POLDIP3: variants seen among roughly 807,000 people sequenced by gnomAD.
POLDIP3 encodes the protein polymerase delta-interacting protein 3.
POLDIP3 carries 14 observed loss-of-function variants against 45.1 expected under a neutral mutation model. The observed-to-expected ratio is 0.31, with a 90% CI of 0.20 to 0.49. The LOEUF (loss-of-function observed/expected upper bound fraction) is 0.49. POLDIP3 is among the 20% of genes least tolerant of loss of function. POLDIP3 has a pLI of 0.99. For synonymous variants in POLDIP3, 223 were observed against 205.2 expected (o/e 1.09, Z -0.74); for missense variants, 511 against 538.8 (o/e 0.95, Z 0.51).
At chr22:42,614,595 G>C (rs6002815) in intron 1 of POLDIP3, among the ~76,000 whole-genome samples, 77,100 of 152,026 alleles carry the variant, frequency 0.51, 23,771 homozygotes, top group African/African-American at 0.86. Flanking sequence ...GCCTCCCAGG[G>C]CCGCCAGAGG....
chr22:42,587,805 G>C (rs1272851848), intron 7 of POLDIP3, among the ~76,000 whole-genome samples: 1 of 152,172 alleles, frequency 6.6e-6, no homozygotes, highest in Non-Finnish European at 1.5e-5. Context: ...CACAAACCTT[G>C]CTTCATACAG....
At chr22:42,606,288 A>G in intron 1 of POLDIP3, among the ~76,000 whole-genome samples, 1 of 152,072 alleles carries the variant, frequency 6.6e-6, no homozygotes, top group East Asian at 1.9e-4. Flanking sequence ...TTGGGAGGCC[A>G]AATGGCAGGA....
At chr22:42,614,684 T>C in intron 1 of POLDIP3, 115 bp downstream of exon 1, 1 of 1,173,834 alleles carries the variant, frequency 8.5e-7, no homozygotes. Flanking sequence ...AGCGCGGCTG[T>C]GGTCGGGGGC....
chr22:42,606,500 C>T (rs1316642903), intron 1 of POLDIP3, among the ~76,000 whole-genome samples: 1 of 152,120 alleles, frequency 6.6e-6, no homozygotes, highest in Non-Finnish European at 1.5e-5. Flanking sequence ...CTGGGCATGG[C>T]AGCATGAGTC....
rs1245715510 is a variant in POLDIP3 at position 42,613,887 on chromosome 22, T to C, written c.59+912A>G. On this transcript the variant is annotated intron_variant, in intron 1 of 8. Coordinates refer to ENST00000252115, the MANE Select transcript of POLDIP3 (RefSeq NM_032311.5). ...AAACTTAATGTGTGTTGGGAAACTA[T>C]TGGGCAAAGTTCTCACTTCTTCATA... Among the ~76,000 whole-genome samples, 3 of 152,250 alleles carry C rather than the reference T, an allele frequency of 2.0e-5. No individual in the cohort carries two copies. The East Asian group carries it at 5.8e-4, about 29-fold the overall frequency.
chr22:42,603,073 GGTGGCT>G lies in POLDIP3; in HGVS notation c.141_146del (p.Ala48_Thr49del). The G allele has an allele frequency of 6.2e-7, 1 of 1,614,204 alleles. No homozygotes were observed. The highest frequency in any genetic ancestry group is 1.7e-5 in the Admixed American group (1 of 60,018). ...GCCGGGCATCAAATCTCTGCTGGAA[GGTGGCT>G]GTGCGTGTTGACTGGCTGAGAAGGC... On this transcript the variant is annotated inframe_deletion, in exon 2 of 9. Coordinates refer to ENST00000252115, the MANE Select transcript of POLDIP3 (RefSeq NM_032311.5).
At chr22:42,613,401 G>A (rs750944130) in intron 1 of POLDIP3, among the ~76,000 whole-genome samples, 5 of 152,058 alleles carry the variant, frequency 3.3e-5, no homozygotes, top group South Asian at 2.1e-4. Flanking sequence ...GGGGAAGGAG[G>A]TGAGGGATAC....
chr22:42,614,447 G>A (rs889333063), intron 1 of POLDIP3, among the ~76,000 whole-genome samples: 1 of 152,184 alleles, frequency 6.6e-6, no homozygotes, highest in Non-Finnish European at 1.5e-5. Context: ...CCGAGATCAC[G>A]GAGCGGGGCC....
At chr22:42,588,581 G>T (rs1925464873) in intron 7 of POLDIP3, among the ~76,000 whole-genome samples, 1 of 149,516 alleles carries the variant, frequency 6.7e-6, no homozygotes, top group Non-Finnish European at 1.5e-5. Context: ...AAAAAAACCA[G>T]TAAGATCTAA....
In POLDIP3 at chr22:42,585,210, T is replaced by C. The variant is rs1169329630; in HGVS notation, c.*581A>G. On this transcript the variant is annotated 3_prime_UTR_variant, in exon 9 of 9. Coordinates refer to ENST00000252115, the MANE Select transcript of POLDIP3 (RefSeq NM_032311.5). ...TGCAGCCTCATCCTGCCCTTGCCAC[T>C]AGTGAGGCCTGGAGCCACTGGGGAG... 2.0e-6 allele frequency: 1 copy of C among 511,276 alleles called. No homozygotes were observed. The highest frequency in any genetic ancestry group is 3.9e-6 in the Non-Finnish European group (1 of 256,732). The allele number at this position is 511,276 out of a possible 1,614,324, so 31.7% of individuals were successfully genotyped here. A position where few individuals can be genotyped will look rare whatever the true frequency, so the allele number is the denominator to read the frequency against.
chr22:42,591,911 G>C, intron 7 of POLDIP3, 44 bp downstream of exon 7: 2 of 1,612,422 alleles, frequency 1.2e-6, no homozygotes, highest in East Asian at 2.2e-5. Flanking sequence ...ACAGCAAGTA[G>C]AGATGAGTGG....
At chr22:42,609,948 G>A (rs1180373898) in intron 1 of POLDIP3, among the ~76,000 whole-genome samples, 5 of 152,080 alleles carry the variant, frequency 3.3e-5, no homozygotes, top group African/African-American at 7.2e-5. Context: ...TGAGATGGGC[G>A]GATCACTTGA....
chr22:42,604,644 G>T (rs1926606169), intron 1 of POLDIP3, among the ~76,000 whole-genome samples: 1 of 152,212 alleles, frequency 6.6e-6, no homozygotes, highest in Non-Finnish European at 1.5e-5. Flanking sequence ...CATTCCAGTG[G>T]CTGGAGTGAG....
Position 42,584,123 on chromosome 22 carries a change from C to T in POLDIP3, c.*1668G>A, listed in dbSNP as rs1387171309. 6.5e-6 allele frequency: 1 copy of T among 152,758 alleles called. No homozygotes were observed. Among genetic ancestry groups the T allele is most frequent in the African/African-American group, 2.4e-5 (1 of 41,460 alleles). The allele number at this position is 152,758 out of a possible 1,614,324, so 9.5% of individuals were successfully genotyped here. On this transcript the variant is annotated 3_prime_UTR_variant, in exon 9 of 9. Transcript: ENST00000252115. Reference sequence around the variant, plus strand: ...AGCAGTGAGCCCCCGGCTCCCAGTACCTGAAAAACCAGGTCCTACTGCCTT... The same window carrying T: ...AGCAGTGAGCCCCCGGCTCCCAGTATCTGAAAAACCAGGTCCTACTGCCTT...
At chr22:42,587,602 G>C in intron 7 of POLDIP3, 30 bp from the exon 8 acceptor site, 1 of 1,592,822 alleles carries the variant, frequency 6.3e-7, no homozygotes, top group South Asian at 1.1e-5. Context: ...AAAAGGCTCT[G>C]CTATGAGACC....
At chr22:42,609,103 C>T (rs1926958814) in intron 1 of POLDIP3, among the ~76,000 whole-genome samples, 1 of 152,234 alleles carries the variant, frequency 6.6e-6, no homozygotes, top group Non-Finnish European at 1.5e-5. Context: ...TACCCTCCCG[C>T]TTCTAGAACT....
intron 4 of POLDIP3, among the ~76,000 whole-genome samples, chr22:42,598,664 G>A (rs942646541): frequency 6.6e-5 from 10 of 152,154 alleles, no homozygotes; most frequent in African/African-American, 2.4e-4. Context: ...GATTACAGGC[G>A]TGAGCCACCG....
intron 7 of POLDIP3, among the ~76,000 whole-genome samples, chr22:42,588,274 T>C (rs1311929172): frequency 6.6e-6 from 1 of 151,826 alleles, no homozygotes; most frequent in Non-Finnish European, 1.5e-5. Context: ...GCTAACATGG[T>C]GAAACCCCGT....
chr22:42,590,619 G>T (rs899335400), intron 7 of POLDIP3, among the ~76,000 whole-genome samples: 5 of 152,182 alleles, frequency 3.3e-5, no homozygotes, highest in African/African-American at 1.2e-4. Flanking sequence ...TAACCAAAAA[G>T]TCCTTATACT....
Sources: allele counts gnomAD v4.1 joint callset (sites outside exome capture counted in the v4.1 genomes callset), GRCh38; gene constraint gnomAD v4.1.1; transcripts MANE v1.5; gene names NCBI Gene and HGNC (gene_info 2026-07-23, HGNC 2026-07-21).